CSMD1: variants seen among roughly 807,000 people sequenced by gnomAD.
CSMD1 encodes the protein CUB and Sushi multiple domains 1, also known as CUB and sushi domain-containing protein 1.
A neutral mutation model predicts 417.5 loss-of-function variants in CSMD1; 213 were observed. That is an observed-to-expected ratio of 0.51 (90% CI 0.46 to 0.57). The LOEUF (loss-of-function observed/expected upper bound fraction) is 0.57. Among genes scored for constraint, CSMD1 ranks in the 20% least tolerant of loss-of-function variants. The probability of loss-of-function intolerance (pLI) is 0.00; values close to 1 mark genes in which losing one functional copy is unlikely to be tolerated. For synonymous variants in CSMD1, 2,862 were observed against 1,736.8 expected (o/e 1.65, Z -16.11); for missense variants, 6,923 against 4,529.7 (o/e 1.53, Z -15.17).
chr8:4,032,500 G>T (rs937241523), intron 3 of CSMD1, among the ~76,000 whole-genome samples: 1 of 152,128 alleles, frequency 6.6e-6, no homozygotes, highest in Admixed American at 6.5e-5. Flanking sequence ...AAGAAATACT[G>T]CAAGAGTGAA....
chr8:4,447,322 A>G (rs1339912133), intron 2 of CSMD1, among the ~76,000 whole-genome samples: 1 of 152,198 alleles, frequency 6.6e-6, no homozygotes, highest in Admixed American at 6.5e-5. Flanking sequence ...ACAATGAATT[A>G]TCAGAATGTG....
chr8:4,322,572 T>C (rs1799331277), intron 3 of CSMD1, among the ~76,000 whole-genome samples: 1 of 152,062 alleles, frequency 6.6e-6, no homozygotes, highest in Non-Finnish European at 1.5e-5. Context: ...AAGATTTTGA[T>C]GAAGGAAAAT....
chr8:4,518,620 G>T (rs1165741109), intron 2 of CSMD1, among the ~76,000 whole-genome samples: 1 of 132,838 alleles, frequency 7.5e-6, no homozygotes, highest in Non-Finnish European at 1.6e-5. Flanking sequence ...CTGCTGTGGG[G>T]TGGGGGGCGG....
intron 1 of CSMD1, among the ~76,000 whole-genome samples, chr8:4,960,912 A>G (rs1291831147): frequency 1.3e-5 from 2 of 152,180 alleles, no homozygotes; most frequent in Non-Finnish European, 2.9e-5. Context: ...ACTATTTACA[A>G]TGCATGTGGC....
chr8:4,328,676 C>T (rs181553999), intron 3 of CSMD1, among the ~76,000 whole-genome samples: 348 of 152,292 alleles, frequency 2.3e-3, no homozygotes, highest in Non-Finnish European at 3.7e-3. Flanking sequence ...GGCATGTCTA[C>T]ATATTCAACC....
At chr8:3,912,987 G>A (rs958430490) in intron 5 of CSMD1, among the ~76,000 whole-genome samples, 1 of 152,128 alleles carries the variant, frequency 6.6e-6, no homozygotes, top group Non-Finnish European at 1.5e-5. Flanking sequence ...GGAAGACACA[G>A]GAAAGCCTAC....
At chr8:4,421,627 G>A (rs1002046569) in intron 2 of CSMD1, among the ~76,000 whole-genome samples, 1 of 151,906 alleles carries the variant, frequency 6.6e-6, no homozygotes, top group African/African-American at 2.4e-5. Flanking sequence ...TAAAAATACA[G>A]ATAAACTGAA....
chr8:4,431,101 C>G (rs554441789), intron 2 of CSMD1, among the ~76,000 whole-genome samples: 1 of 152,036 alleles, frequency 6.6e-6, no homozygotes, highest in East Asian at 1.9e-4. Context: ...TATATTTAAT[C>G]TTAAACAGAC....
At chr8:4,965,601 T>C (rs1333522968) in intron 1 of CSMD1, among the ~76,000 whole-genome samples, 2 of 152,222 alleles carry the variant, frequency 1.3e-5, no homozygotes, top group African/African-American at 2.4e-5. Flanking sequence ...AGAACTGGGT[T>C]TGTCCCTGAA....
At chr8:4,090,368 C>G (rs765625047) in intron 3 of CSMD1, among the ~76,000 whole-genome samples, 1 of 152,140 alleles carries the variant, frequency 6.6e-6, no homozygotes, top group Non-Finnish European at 1.5e-5. Context: ...AAATAAATTA[C>G]AAAGTGTCAG....
intron 59 of CSMD1, among the ~76,000 whole-genome samples, chr8:2,965,523 G>A (rs1803878027): frequency 6.6e-6 from 1 of 152,120 alleles, no homozygotes; most frequent in Non-Finnish European, 1.5e-5. Context: ...GACCGTCACT[G>A]AACCCCGACA....
chr8:3,664,065 G>A (rs771708622), intron 7 of CSMD1, among the ~76,000 whole-genome samples: 2 of 152,078 alleles, frequency 1.3e-5, no homozygotes, highest in Non-Finnish European at 2.9e-5. Context: ...AAGTTCTAGG[G>A]TACATGTGCA....
chr8:4,461,549 G>C (rs73178980), intron 2 of CSMD1, among the ~76,000 whole-genome samples: 27,273 of 144,268 alleles, frequency 0.19, 2,802 homozygotes, highest in Non-Finnish European at 0.26. Flanking sequence ...ATTTTTTTTT[G>C]GTGGGTGGGG....
chr8:2,991,987 T>C (rs1224347165), intron 54 of CSMD1, among the ~76,000 whole-genome samples: 4 of 152,226 alleles, frequency 2.6e-5, no homozygotes, highest in Admixed American at 6.5e-5. Flanking sequence ...TAAATCAGTA[T>C]AAACATAACA....
chr8:4,866,348 A>G (rs1802418187), intron 1 of CSMD1, among the ~76,000 whole-genome samples: 1 of 151,966 alleles, frequency 6.6e-6, no homozygotes, highest in Non-Finnish European at 1.5e-5. Context: ...CAAACTGACA[A>G]CCAAAAATAA....
chr8:4,686,530 G>A (rs968405453), intron 1 of CSMD1, among the ~76,000 whole-genome samples: 7 of 152,198 alleles, frequency 4.6e-5, no homozygotes, highest in African/African-American at 1.4e-4. Flanking sequence ...CGAAGAACCT[G>A]AGCAAACAGC....
At chr8:3,890,471 G>C (rs1006795591) in intron 5 of CSMD1, among the ~76,000 whole-genome samples, 3 of 151,696 alleles carry the variant, frequency 2.0e-5, no homozygotes, top group South Asian at 2.1e-4. Context: ...GCTGAGTGAG[G>C]GAAGTTTTGA....
intron 4 of CSMD1, among the ~76,000 whole-genome samples, chr8:4,006,790 C>G (rs914652150): frequency 7.1e-6 from 1 of 141,302 alleles, no homozygotes; most frequent in African/African-American, 2.6e-5. Flanking sequence ...ATTCATATTT[C>G]TTTTGTCGCT....
intron 3 of CSMD1, among the ~76,000 whole-genome samples, chr8:4,352,174 G>A (rs896627191): frequency 7.9e-5 from 12 of 152,118 alleles, no homozygotes; most frequent in African/African-American, 2.9e-4. Context: ...AGTCCACTTA[G>A]GTTCTCATTG....
Sources: gnomAD v4.1 joint callset for allele counts (sites outside exome capture counted in the v4.1 genomes callset) on GRCh38, gnomAD v4.1.1 for gene constraint, MANE v1.5 for transcripts, NCBI Gene and HGNC (gene_info 2026-07-23, HGNC 2026-07-21) for gene names.